Variants in SGCG observed in about 807,000 individuals in gnomAD.
SGCG encodes sarcoglycan gamma.
SGCG carries 26 observed loss-of-function variants against 29.3 expected under a neutral mutation model. The ratio of observed to expected loss-of-function variants is 0.89; its 90% CI spans 0.65 to 1.23. The LOEUF (loss-of-function observed/expected upper bound fraction) is 1.23. Among genes scored for constraint, SGCG ranks in the 50% most tolerant of loss-of-function variants. The pLI, the probability that SGCG is intolerant of heterozygous loss-of-function variation, is 0.00. For synonymous variants in SGCG, 145 were observed against 129.7 expected (o/e 1.12, Z -0.80); for missense variants, 353 against 356.0 (o/e 0.99, Z 0.07).
chr13:23,297,569 T>C (rs957864351), intron 6 of SGCG, among the ~76,000 whole-genome samples: 2 of 152,248 alleles, frequency 1.3e-5, no homozygotes, highest in Non-Finnish European at 2.9e-5. Flanking sequence ...CACAGATTGC[T>C]CATGCTATTG....
intron 3 of SGCG, among the ~76,000 whole-genome samples, chr13:23,248,303 T>C (rs1879801007): frequency 2.6e-5 from 4 of 152,192 alleles, no homozygotes; most frequent in South Asian, 2.1e-4. Flanking sequence ...GCGGTGTTTA[T>C]AACATGCAGG....
At chr13:23,163,497 A>G in the SGCG span, among the ~76,000 whole-genome samples, 1 of 152,184 alleles carries the variant, frequency 6.6e-6, no homozygotes, top group African/African-American at 2.4e-5. Context: ...GAGGGGACCC[A>G]GTTCTGGACC....
chr13:23,232,800 AG>A (rs1879161077), intron 2 of SGCG, among the ~76,000 whole-genome samples: 1 of 152,152 alleles, frequency 6.6e-6, no homozygotes, highest in African/African-American at 2.4e-5. Flanking sequence ...GACAGTCAGA[AG>A]GGGAGGACAG....
intron 4 of SGCG, chr13:23,268,844 A>C (rs550506828): frequency 1.3e-5 from 2 of 151,812 alleles, no homozygotes; most frequent in Non-Finnish European, 2.9e-5. Flanking sequence ...ACTGAAATAA[A>C]CAGCATTGAT....
At chr13:23,263,012 G>C (rs907046097) in intron 4 of SGCG, among the ~76,000 whole-genome samples, 5 of 152,034 alleles carry the variant, frequency 3.3e-5, no homozygotes, top group Admixed American at 3.3e-4. Context: ...GCAGTACTAA[G>C]AGGAAAGTTT....
chr13:23,223,232 C>T (rs1878744744), intron 2 of SGCG, among the ~76,000 whole-genome samples: 1 of 79,500 alleles, frequency 1.3e-5, no homozygotes, highest in Non-Finnish European at 2.3e-5. Flanking sequence ...GAGCTGAGAT[C>T]ATGCCACTGA....
At chr13:23,245,018 A>G (rs1879650342) in intron 3 of SGCG, 1 of 152,166 alleles carries the variant, frequency 6.6e-6, no homozygotes. Context: ...TGAAAGCCCA[A>G]AAGGAGTACT....
At chr13:23,265,431 G>T (rs1161960131) in intron 4 of SGCG, among the ~76,000 whole-genome samples, 1 of 152,074 alleles carries the variant, frequency 6.6e-6, no homozygotes, top group African/African-American at 2.4e-5. Flanking sequence ...ACAAAAGTTA[G>T]CTGGGTGCAG....
chr13:23,280,630 C>T (rs1176799351), intron 5 of SGCG, among the ~76,000 whole-genome samples: 1 of 152,200 alleles, frequency 6.6e-6, no homozygotes, highest in East Asian at 1.9e-4. Flanking sequence ...AGAATATGGG[C>T]TGGGTAGACT....
At chr13:23,239,246 C>T (rs971939821) in intron 3 of SGCG, among the ~76,000 whole-genome samples, 30 of 151,844 alleles carry the variant, frequency 2.0e-4, no homozygotes, top group African/African-American at 7.3e-4. Context: ...GGATATATAA[C>T]ATACAAAGGA....
At chr13:23,282,982 T>G (rs1056087651) in intron 5 of SGCG, among the ~76,000 whole-genome samples, 2 of 152,306 alleles carry the variant, frequency 1.3e-5, no homozygotes, top group African/African-American at 2.4e-5. Context: ...GTCTGAGAGA[T>G]AGTTTGTTAT....
At chr13:23,293,096 A>C (rs1841670997) in intron 5 of SGCG, among the ~76,000 whole-genome samples, 1 of 152,206 alleles carries the variant, frequency 6.6e-6, no homozygotes, top group Non-Finnish European at 1.5e-5. Flanking sequence ...TTTATTGTGG[A>C]AACTCCAGTG....
At chr13:23,297,736 G>T (rs536233199) in intron 6 of SGCG, among the ~76,000 whole-genome samples, 3 of 152,158 alleles carry the variant, frequency 2.0e-5, no homozygotes, top group Non-Finnish European at 4.4e-5. Flanking sequence ...GGCCAGTTTT[G>T]GGGCCAGTTT....
At chr13:23,278,570 A>G (rs1881178725) in intron 4 of SGCG, among the ~76,000 whole-genome samples, 1 of 152,150 alleles carries the variant, frequency 6.6e-6, no homozygotes, top group Admixed American at 6.5e-5. Context: ...GAAAGTGTGG[A>G]AGCATCAAAG....
At chr13:23,170,549 C>T in the SGCG span, 4 of 152,398 alleles carry the variant, frequency 2.6e-5, no homozygotes, top group South Asian at 8.3e-4. Context: ...GAGCTAAAGC[C>T]ACCTGAATTG....
rs1460327315 is a variant in SGCG, at chr13:23,324,446, C to G, written c.781C>G (p.Leu261Val). ...GGGTCCCTCTGGCAGCTCACAGAGCCTCTACGAAATCTGTGTGTGTCCAGA... is the reference window on the plus strand; with the variant it reads ...GGGTCCCTCTGGCAGCTCACAGAGCGTCTACGAAATCTGTGTGTGTCCAGA... ...TWGPSGSSQS[L>V]YEICVCPDGK... The change falls in exon 8 of 8, where the codon CTC (leucine) becomes GTC (valine). Residue 261 changes from leucine (L) to valine (V), a missense_variant. Physicochemically the swap from Leu to Val is conservative, Grantham distance 32. Coordinates refer to ENST00000218867, the MANE Select transcript of SGCG (RefSeq NM_000231.3). The G allele has an allele frequency of 7.4e-6, 12 of 1,613,940 alleles. No individual in the cohort carries two copies. The highest frequency in any genetic ancestry group is 1.0e-5 in the Non-Finnish European group (12 of 1,179,992).
At chr13:23,274,240 C>T (rs1428313888) in intron 4 of SGCG, among the ~76,000 whole-genome samples, 5 of 152,000 alleles carry the variant, frequency 3.3e-5, no homozygotes, top group African/African-American at 4.8e-5. Context: ...ACTAAGTCTC[C>T]TCATCTGTCC....
rs375420098 is a variant in SGCG at position 23,203,675 on chromosome 13, G to C, written c.1-20G>C. The C allele has an allele frequency of 6.3e-7, 1 of 1,596,336 alleles. No homozygotes were observed. The highest frequency in any genetic ancestry group is 2.3e-5 in the East Asian group (1 of 44,348). Reference sequence around the variant, plus strand: ...TCTCTGTCTCTTTCTCTCTCCTCTCGTGAACACACTCCGTGGCAGATGGTG... The same window carrying C: ...TCTCTGTCTCTTTCTCTCTCCTCTCCTGAACACACTCCGTGGCAGATGGTG... On this transcript the variant is annotated intron_variant, in intron 1 of 7. Coordinates refer to ENST00000218867, the MANE Select transcript of SGCG (RefSeq NM_000231.3).
At chr13:23,298,059 A>T (rs1034839669) in intron 6 of SGCG, among the ~76,000 whole-genome samples, 4 of 150,480 alleles carry the variant, frequency 2.7e-5, no homozygotes, top group Admixed American at 6.6e-5. Context: ...ATCACTTTTT[A>T]AATTGTTATT....
Sources: gnomAD v4.1 joint callset for allele counts (sites outside exome capture counted in the v4.1 genomes callset) on GRCh38, gnomAD v4.1.1 for gene constraint, MANE v1.5 for transcripts, NCBI Gene and HGNC (gene_info 2026-07-23, HGNC 2026-07-21) for gene names.